PCDH15: variants seen among roughly 807,000 people sequenced by gnomAD.
PCDH15 encodes protocadherin-15.
A neutral mutation model predicts 178.5 loss-of-function variants in PCDH15; 129 were observed. That is an observed-to-expected ratio of 0.72 (90% CI 0.63 to 0.84). The LOEUF (loss-of-function observed/expected upper bound fraction) is 0.84. PCDH15 is among the 40% of genes least tolerant of loss of function. The probability of loss-of-function intolerance (pLI) is 0.00; values close to 1 mark genes in which losing one functional copy is unlikely to be tolerated. For missense variants in PCDH15, 2,230 were observed against 2,099.9 expected (o/e 1.06, Z -1.21); for synonymous variants, 800 against 732.0 (o/e 1.09, Z -1.50).
intron 10 of PCDH15, among the ~76,000 whole-genome samples, chr10:54,197,448 C>T (rs1462275207): frequency 3.3e-5 from 5 of 152,194 alleles, no homozygotes; most frequent in African/African-American, 1.2e-4. Context: ...ATAGCATATA[C>T]ATTTATTAAA....
chr10:54,626,738 C>G (rs1452302853), intron 2 of PCDH15, among the ~76,000 whole-genome samples: 1 of 152,174 alleles, frequency 6.6e-6, no homozygotes, highest in Non-Finnish European at 1.5e-5. Flanking sequence ...CCTATTGGGG[C>G]ACTGCCTAGT....
intron 25 of PCDH15, among the ~76,000 whole-genome samples, chr10:53,934,790 T>C (rs2085420394): frequency 6.6e-6 from 1 of 152,074 alleles, no homozygotes. Context: ...GCACTTTCTC[T>C]TTTCCGGGCT....
At chr10:54,226,006 T>A (rs2053401943) in intron 9 of PCDH15, among the ~76,000 whole-genome samples, 1 of 152,098 alleles carries the variant, frequency 6.6e-6, no homozygotes, top group Admixed American at 6.5e-5. Flanking sequence ...TAAGGACATA[T>A]TAGTACTGAC....
chr10:53,907,620 A>G (rs1589362736), intron 25 of PCDH15, among the ~76,000 whole-genome samples: 1 of 152,158 alleles, frequency 6.6e-6, no homozygotes, highest in East Asian at 1.9e-4. Flanking sequence ...TTTCTATGGG[A>G]CAATCTTTTC....
chr10:54,843,280 G>C (rs1486489031), intron 3 of PCDH15, among the ~76,000 whole-genome samples: 1 of 151,912 alleles, frequency 6.6e-6, no homozygotes, highest in African/African-American at 2.4e-5. Context: ...TCAAGGGAGA[G>C]GGATTTGAGC....
In PCDH15 at chr10:55,624,213, C is replaced by T. The variant is rs568283835; in HGVS notation, c.-156+3412G>A. Among the ~76,000 whole-genome samples, 32 of 151,798 alleles carry T rather than the reference C, an allele frequency of 2.1e-4. 1 individual carries two copies. Among genetic ancestry groups the T allele is most frequent in the Middle Eastern group, 3.4e-3 (1 of 294 alleles). On this transcript the variant is annotated intron_variant, in intron 2 of 5. Transcript: ENST00000613346. Reference sequence around the variant, plus strand: ...CTTCTCTTAGGTTAAGTTTATTTTCCGAGAATTAAACTAGTTTCCTAATTT... The same window carrying T: ...CTTCTCTTAGGTTAAGTTTATTTTCTGAGAATTAAACTAGTTTCCTAATTT...
rs556826040 is a variant in PCDH15 at position 54,785,227 on chromosome 10, T to A, written c.-29+15698A>T. Among the ~76,000 whole-genome samples, 337 of 151,818 alleles carry A rather than the reference T, an allele frequency of 2.2e-3. 2 individuals are homozygous for A. The highest frequency in any genetic ancestry group is 6.5e-3 in the African/African-American group (271 of 41,442). ...ACTTTTGGTGATCAGAAAAAAAAAA[T>A]AACTTTATTTTTTTCTTTCTGATAC... On this transcript the variant is annotated intron_variant, in intron 1 of 37. Coordinates refer to ENST00000644397, the MANE Select transcript of PCDH15 (RefSeq NM_001384140.1).
intron 2 of PCDH15, among the ~76,000 whole-genome samples, chr10:55,568,432 T>C (rs968673599): frequency 3.9e-5 from 6 of 151,934 alleles, no homozygotes; most frequent in Admixed American, 1.3e-4. Flanking sequence ...GTTTTAAAGA[T>C]TGTAAGAGTT....
intron 3 of PCDH15, among the ~76,000 whole-genome samples, chr10:54,848,988 C>T (rs770563126): frequency 6.6e-5 from 10 of 151,930 alleles, no homozygotes; most frequent in East Asian, 3.9e-4. Context: ...TTGATATGGC[C>T]GAACATAAAC....
At chr10:55,615,020 T>C (rs1014330856) in intron 2 of PCDH15, among the ~76,000 whole-genome samples, 1 of 152,118 alleles carries the variant, frequency 6.6e-6, no homozygotes, top group Admixed American at 6.6e-5. Context: ...AATCATTCAG[T>C]AAATGGTCAT....
chr10:54,525,978 G>A (rs1479876014), intron 3 of PCDH15, among the ~76,000 whole-genome samples: 1 of 152,138 alleles, frequency 6.6e-6, no homozygotes, highest in African/African-American at 2.4e-5. Flanking sequence ...TTCTTGTGAT[G>A]ACTTAAATAA....
chr10:55,206,615 G>T (rs1297150838), intron 1 of PCDH15, among the ~76,000 whole-genome samples: 2 of 152,064 alleles, frequency 1.3e-5, no homozygotes, highest in Non-Finnish European at 2.9e-5. Flanking sequence ...ATCACATAAT[G>T]CTATAATTAA....
At chr10:54,690,466 C>T (rs542954724) in intron 1 of PCDH15, among the ~76,000 whole-genome samples, 63 of 151,974 alleles carry the variant, frequency 4.1e-4, no homozygotes, top group Middle Eastern at 3.4e-3. Flanking sequence ...AGGAGCACGC[C>T]ACCACTTCCA....
intron 2 of PCDH15, among the ~76,000 whole-genome samples, chr10:55,330,836 T>TTG (rs1321610555): frequency 8.4e-5 from 7 of 83,080 alleles, no homozygotes; most frequent in African/African-American, 2.0e-4. Context: ...ATAGATTTAT[T>TTG]TATGTGTGTG....
chr10:53,863,294 A>G (rs2079220970), intron 27 of PCDH15, among the ~76,000 whole-genome samples: 1 of 152,210 alleles, frequency 6.6e-6, no homozygotes, highest in African/African-American at 2.4e-5. Flanking sequence ...CTACAAGGTC[A>G]GGAGAAGAAA....
At chr10:54,326,440 C>T (rs966288307) in intron 7 of PCDH15, among the ~76,000 whole-genome samples, 5 of 152,038 alleles carry the variant, frequency 3.3e-5, no homozygotes, top group Non-Finnish European at 7.4e-5. Flanking sequence ...TTTTTAATTA[C>T]TGATTTTTAA....
At chr10:54,515,109 G>C (rs1046133958) in intron 3 of PCDH15, among the ~76,000 whole-genome samples, 4 of 152,182 alleles carry the variant, frequency 2.6e-5, no homozygotes, top group Non-Finnish European at 4.4e-5. Context: ...TCTCACTAGG[G>C]AGTGCCAGAC....
chr10:54,927,321 T>A (rs985544500), intron 2 of PCDH15, among the ~76,000 whole-genome samples: 7 of 152,122 alleles, frequency 4.6e-5, no homozygotes, highest in African/African-American at 1.7e-4. Flanking sequence ...ATTTTAGGTG[T>A]TTTACCTTTG....
intron 2 of PCDH15, among the ~76,000 whole-genome samples, chr10:54,929,311 G>A (rs1226257293): frequency 6.6e-6 from 1 of 152,080 alleles, no homozygotes; most frequent in Non-Finnish European, 1.5e-5. Flanking sequence ...GGTCTGAGGT[G>A]CTCCTTGACT....
Sources: gnomAD v4.1 joint callset for allele counts (sites outside exome capture counted in the v4.1 genomes callset) on GRCh38, gnomAD v4.1.1 for gene constraint, MANE v1.5 for transcripts, NCBI Gene and HGNC (gene_info 2026-07-23, HGNC 2026-07-21) for gene names.